TG: variants seen among roughly 807,000 people sequenced by gnomAD.
TG encodes thyroglobulin, also known as thyroid hormones.
Under a neutral mutation model 324.7 loss-of-function variants are expected in TG, and 270 were observed. The observed-to-expected ratio is 0.83, with a 90% CI of 0.75 to 0.92. The LOEUF (loss-of-function observed/expected upper bound fraction) is 0.92, where lower values mean the gene tolerates loss of function less well. Among genes scored for constraint, TG ranks in the 40% least tolerant of loss-of-function variants. The pLI is 0.00. For missense variants in TG, 3,591 were observed against 3,456.4 expected, an observed-to-expected ratio of 1.04 and a Z score of -0.98; for synonymous variants, 1,401 against 1,327.0, an observed-to-expected ratio of 1.06 and a Z score of -1.21.
At chr8:132,981,395 G>T (rs1385496779) in intron 34 of TG, among the ~76,000 whole-genome samples, 2 of 152,166 alleles carry the variant, frequency 1.3e-5, no homozygotes, top group African/African-American at 4.8e-5. Flanking sequence ...TGGACCCAAG[G>T]GTGTGGACGT....
chr8:133,087,330 G>A (rs1846751103), intron 41 of TG, among the ~76,000 whole-genome samples: 1 of 152,162 alleles, frequency 6.6e-6, no homozygotes, highest in Non-Finnish European at 1.5e-5. Context: ...GTATATGACA[G>A]CCTTTTTCTA....
In TG at chr8:133,020,637, C is replaced by T. The variant is rs1044304101; in HGVS notation, c.6876+942C>T. On this transcript the variant is annotated intron_variant, in intron 39 of 47. Transcript: ENST00000220616. ...CTCATATTCGAAGAATCCACAGCCA[C>T]CAAGTGGTGGCATCTGAGCTGGAAT... Among the ~76,000 whole-genome samples, 26 of 152,270 alleles carry T rather than the reference C, an allele frequency of 1.7e-4. 1 individual carries two copies. The highest frequency in any genetic ancestry group is 6.0e-4 in the African/African-American group (25 of 41,570).
At position 133,013,681 on chromosome 8, in the gene TG, C is replaced by T; in HGVS notation, c.6479C>T (p.Thr2160Ile). ...GAVRCMFYADTQSCTHSLQGQ... is the reference protein window; with the variant it reads ...GAVRCMFYADIQSCTHSLQGQ... ...GTGAGATGTATGTTCTATGCTGATA[C>T]TCAAAGCTGCACACATAGTCTGCAG... The change falls in exon 37 of 48, where the codon ACT becomes ATT. Residue 2160 changes from threonine (T) to isoleucine (I), a missense_variant. Physicochemically the swap from Thr to Ile is moderately conservative, Grantham distance 89. Coordinates refer to ENST00000220616, the MANE Select transcript of TG (RefSeq NM_003235.5). 1 of 1,614,214 alleles carries T rather than the reference C, an allele frequency of 6.2e-7. No homozygotes were observed. Among genetic ancestry groups the T allele is most frequent in the Non-Finnish European group, 8.5e-7 (1 of 1,180,054 alleles).
intron 41 of TG, among the ~76,000 whole-genome samples, chr8:133,093,952 T>C (rs1847998361): frequency 6.6e-6 from 1 of 152,150 alleles, no homozygotes; most frequent in South Asian, 2.1e-4. Flanking sequence ...CCACAGTGGT[T>C]GCTATTATTT....
rs1357268814 is a variant in TG at position 132,897,655 on chromosome 8, G to A, written c.3008G>A (p.Ser1003Asn). 6.2e-7 allele frequency: 1 copy of A among 1,614,176 alleles called. No homozygotes were observed. Residue 1003 changes from serine (S) to asparagine (N), a missense_variant, in exon 12 of 48, where the codon AGC becomes AAC. Ser to Asn is a conservative substitution (Grantham distance 46). Transcript: ENST00000220616. ...TCTCCTTCCCTGACTCCAGCCTTAA[G>A]CTTCTATCAGAGACGCCGCTTTTCC... ...AIRLAAQSTL[S>N]FYQRRRFSPD...
chr8:132,867,994 A>T (rs1022015229), intron 1 of TG, 121 bp from the exon 2 acceptor site: 7 of 868,726 alleles, frequency 8.1e-6, no homozygotes, highest in Non-Finnish European at 1.3e-5. Flanking sequence ...CCAAATTTTA[A>T]AATAGGCTGT....
chr8:133,097,546 A>G (rs918531137), intron 43 of TG, among the ~76,000 whole-genome samples: 2 of 152,258 alleles, frequency 1.3e-5, no homozygotes, highest in Non-Finnish European at 2.9e-5. Context: ...CACATTGTAA[A>G]ATGACAAAAA....
At chr8:132,915,076 G>T (rs1450936513) in intron 20 of TG, among the ~76,000 whole-genome samples, 1 of 152,160 alleles carries the variant, frequency 6.6e-6, no homozygotes, top group Non-Finnish European at 1.5e-5. Context: ...ACGCATGTGT[G>T]TGATGTGTCT....
At chr8:133,064,138 A>G (rs139177759) in intron 41 of TG, 3 of 152,202 alleles carry the variant, frequency 2.0e-5, no homozygotes, top group African/African-American at 4.8e-5. Context: ...CTTTGGACCA[A>G]TGTTATTTCC....
chr8:132,941,031 G>A (rs984206316), intron 25 of TG, among the ~76,000 whole-genome samples: 2 of 152,200 alleles, frequency 1.3e-5, no homozygotes, highest in South Asian at 2.1e-4. Flanking sequence ...TATACTTACA[G>A]TGCAATACAT....
At chr8:132,973,177 A>G (rs748621167) in intron 34 of TG, among the ~76,000 whole-genome samples, 7 of 152,194 alleles carry the variant, frequency 4.6e-5, no homozygotes, top group Non-Finnish European at 8.8e-5. Flanking sequence ...ATGCACTAGG[A>G]TAGGGGGTGT....
At chr8:133,041,038 A>G (rs1214794040) in intron 41 of TG, among the ~76,000 whole-genome samples, 3 of 152,206 alleles carry the variant, frequency 2.0e-5, no homozygotes, top group South Asian at 2.1e-4. Context: ...CCATGTTATC[A>G]TGAGAAAGAC....
chr8:132,883,079 C>T lies in TG; in HGVS notation c.1075+80C>T, dbSNP rs954677131. 1.7e-5 allele frequency: 25 copies of T among 1,490,950 alleles called. No individual in the cohort carries two copies. In the African/African-American group the frequency reaches 2.2e-4, roughly 13 times the overall value. 92.4% of individuals were successfully genotyped at this position (1,490,950 alleles called of 1,614,324 possible). ...GTCCTCCAGACCAACCTCTCTGGAC[C>T]CCATTAATTCAACTGCCTTCTAGTG... On this transcript the variant is annotated intron_variant, in intron 8 of 47. Transcript: ENST00000220616.
At chr8:132,889,344 T>C (rs556608606) in intron 10 of TG, among the ~76,000 whole-genome samples, 2 of 152,364 alleles carry the variant, frequency 1.3e-5, no homozygotes, top group South Asian at 4.1e-4. Flanking sequence ...CTCAATTCAT[T>C]CTTTGCAAGT....
At chr8:132,870,786 A>G (rs1343207056) in intron 3 of TG, among the ~76,000 whole-genome samples, 1 of 152,036 alleles carries the variant, frequency 6.6e-6, no homozygotes, top group East Asian at 1.9e-4. Context: ...GAGAGATAGA[A>G]GGTGGAGGTG....
At chr8:133,089,623 C>T (rs59799876) in intron 41 of TG, among the ~76,000 whole-genome samples, 37,739 of 152,112 alleles carry the variant, frequency 0.25, 4,940 homozygotes, top group African/African-American at 0.28. Flanking sequence ...TTCTTCTCTT[C>T]ATTTAGAAGT....
At chr8:132,868,249 C>G (rs201165444) in intron 2 of TG, 26 bp downstream of exon 2, 1 of 1,604,234 alleles carries the variant, frequency 6.2e-7, no homozygotes, top group Non-Finnish European at 8.5e-7. Context: ...GCAGCGAACT[C>G]TCAAGGTCCA....
chr8:133,045,387 CTTTTTTT>C (rs5895172), intron 41 of TG, among the ~76,000 whole-genome samples: 3 of 65,898 alleles, frequency 4.6e-5, no homozygotes, highest in Admixed American at 4.5e-4. Context: ...ATCCTCTTTG[CTTTTTTT>C]TTTTTTTTTT....
rs148977999 is a variant in TG at position 133,002,425 on chromosome 8, C to T, written c.6263-9476C>T. 138 of 984,896 alleles carry T rather than the reference C, an allele frequency of 1.4e-4. 2 individuals carry two copies. The African/African-American group carries it at 2.2e-3, about 16-fold the overall frequency. 61.0% of individuals were successfully genotyped at this position (984,896 alleles called of 1,614,324 possible). On this transcript the variant is annotated intron_variant, in intron 35 of 47. Coordinates refer to ENST00000220616, the MANE Select transcript of TG (RefSeq NM_003235.5). ...GCGATTAATTTGTTGCTCAATAAGC[C>T]GCCTCACATCTTTCAGCAAGAAATA...
Sources: allele counts gnomAD v4.1 joint callset (sites outside exome capture counted in the v4.1 genomes callset), GRCh38; gene constraint gnomAD v4.1.1; transcripts MANE v1.5; gene names NCBI Gene and HGNC (gene_info 2026-07-23, HGNC 2026-07-21).